The following HTR1F variants were observed in gnomAD, a reference collection of about 807,000 sequenced individuals.
HTR1F encodes 5-hydroxytryptamine (serotonin) receptor 1F, G protein-coupled.
A neutral mutation model predicts 24.0 loss-of-function variants in HTR1F; 17 were observed. That is an observed-to-expected ratio of 0.71 (90% CI 0.48 to 1.06). The LOEUF (loss-of-function observed/expected upper bound fraction) is 1.06. Ranked by LOEUF, HTR1F falls within the 50% of genes least tolerant of loss-of-function variation. The probability of loss-of-function intolerance (pLI) is 0.00; values close to 1 mark genes in which losing one functional copy is unlikely to be tolerated. For synonymous variants in HTR1F, 186 were observed against 156.8 expected, an observed-to-expected ratio of 1.19 and a Z score of -1.39; for missense variants, 391 against 427.8, an observed-to-expected ratio of 0.91 and a Z score of 0.76.
chr3:87,818,771 T>G (rs1306590275), intron 1 of HTR1F, among the ~76,000 whole-genome samples: 1 of 152,190 alleles, frequency 6.6e-6, no homozygotes, highest in Non-Finnish European at 1.5e-5. Context: ...AGGCACTCAC[T>G]CAGGGTTGGG....
chr3:87,922,041 C>T (rs1021875726), intron 2 of HTR1F, among the ~76,000 whole-genome samples: 8 of 151,838 alleles, frequency 5.3e-5, no homozygotes, highest in African/African-American at 1.9e-4. Context: ...GGATGCATAC[C>T]CAGTAGTGGG....
At chr3:87,905,735 CAAAA>C (rs36028043) in intron 2 of HTR1F, among the ~76,000 whole-genome samples, 1 of 141,666 alleles carries the variant, frequency 7.1e-6, no homozygotes. Flanking sequence ...CTTTATTTAG[CAAAA>C]AAAAAAAAAA....
chr3:87,969,540 G>A (rs1176493267), intron 2 of HTR1F, among the ~76,000 whole-genome samples: 2 of 152,174 alleles, frequency 1.3e-5, no homozygotes, highest in East Asian at 1.9e-4. Context: ...CTCCCATTTT[G>A]AATGGGTGTA....
At chr3:87,929,775 C>T (rs1425199576) in intron 2 of HTR1F, among the ~76,000 whole-genome samples, 1 of 152,096 alleles carries the variant, frequency 6.6e-6, no homozygotes, top group African/African-American at 2.4e-5. Context: ...ATTATCTTGG[C>T]TATTTGGGCT....
chr3:87,919,270 C>G (rs1361368039), intron 2 of HTR1F, among the ~76,000 whole-genome samples: 1 of 152,012 alleles, frequency 6.6e-6, no homozygotes, highest in Non-Finnish European at 1.5e-5. Flanking sequence ...TATAAAAATC[C>G]TAGAAGATAA....
At chr3:87,794,289 A>C (rs952762666) in intron 1 of HTR1F, among the ~76,000 whole-genome samples, 1 of 152,116 alleles carries the variant, frequency 6.6e-6, no homozygotes, top group African/African-American at 2.4e-5. Flanking sequence ...AAACAGGTCC[A>C]AGCATCACCA....
At chr3:87,927,912 A>T (rs1035679254) in intron 2 of HTR1F, among the ~76,000 whole-genome samples, 12 of 152,148 alleles carry the variant, frequency 7.9e-5, no homozygotes, top group Non-Finnish European at 1.6e-4. Context: ...GCTTTTAAAA[A>T]TTTTTATATC....
At chr3:87,984,129 G>A (rs544410736) in intron 2 of HTR1F, among the ~76,000 whole-genome samples, 1 of 152,278 alleles carries the variant, frequency 6.6e-6, no homozygotes, top group Admixed American at 6.5e-5. Context: ...TCAGACTGCT[G>A]ATTTCACATG....
intron 2 of HTR1F, among the ~76,000 whole-genome samples, chr3:87,834,969 T>C (rs933947962): frequency 1.3e-5 from 2 of 152,180 alleles, no homozygotes; most frequent in Non-Finnish European, 2.9e-5. Context: ...TTACAGAAAG[T>C]CTATGGATGC....
At chr3:87,936,358 A>G (rs1704414937) in intron 2 of HTR1F, among the ~76,000 whole-genome samples, 1 of 152,326 alleles carries the variant, frequency 6.6e-6, no homozygotes, top group Non-Finnish European at 1.5e-5. Flanking sequence ...ATAGAATACA[A>G]TTGTGTTCAA....
At chr3:87,795,457 G>C (rs534585943) in intron 1 of HTR1F, among the ~76,000 whole-genome samples, 46 of 152,278 alleles carry the variant, frequency 3.0e-4, no homozygotes, top group African/African-American at 9.1e-4. Context: ...TGGACATAGC[G>C]ATATTTGCAA....
chr3:87,973,197 T>C (rs1479821442), intron 2 of HTR1F, among the ~76,000 whole-genome samples: 6 of 151,942 alleles, frequency 3.9e-5, no homozygotes, highest in Non-Finnish European at 8.8e-5. Context: ...TAATAATCCC[T>C]ATCATGGACT....
At chr3:87,910,063 C>A (rs1284203416) in intron 2 of HTR1F, among the ~76,000 whole-genome samples, 4 of 151,932 alleles carry the variant, frequency 2.6e-5, no homozygotes, top group Non-Finnish European at 5.9e-5. Flanking sequence ...ATTAAATATT[C>A]TTTTAACTGT....
chr3:87,975,443 T>G (rs1310523054), intron 2 of HTR1F, among the ~76,000 whole-genome samples: 2 of 152,194 alleles, frequency 1.3e-5, no homozygotes, highest in Non-Finnish European at 2.9e-5. Context: ...AAGTTTTCCT[T>G]TCTTATCATT....
chr3:87,925,634 T>A (rs1344915146), intron 2 of HTR1F, among the ~76,000 whole-genome samples: 1 of 152,150 alleles, frequency 6.6e-6, no homozygotes, highest in African/African-American at 2.4e-5. Context: ...GTAGTTTGCA[T>A]CTTGGAGAGT....
intron 2 of HTR1F, among the ~76,000 whole-genome samples, chr3:87,893,730 C>T (rs1319445456): frequency 1.3e-5 from 2 of 152,214 alleles, no homozygotes; most frequent in South Asian, 2.1e-4. Flanking sequence ...TCATAAGACT[C>T]TTCCTAAGTC....
At chr3:87,926,923 A>G (rs981082545) in intron 2 of HTR1F, among the ~76,000 whole-genome samples, 51 of 149,228 alleles carry the variant, frequency 3.4e-4, no homozygotes, top group African/African-American at 1.2e-3. Flanking sequence ...GAGAAATGTT[A>G]GTTAGTTAAA....
At chr3:87,915,164 T>C (rs1368828900) in intron 2 of HTR1F, among the ~76,000 whole-genome samples, 1 of 152,080 alleles carries the variant, frequency 6.6e-6, no homozygotes, top group African/African-American at 2.4e-5. Flanking sequence ...GAGTACTACA[T>C]CAAGGGAACA....
At chr3:87,869,167 A>T (rs1705490929) in intron 2 of HTR1F, among the ~76,000 whole-genome samples, 1 of 152,116 alleles carries the variant, frequency 6.6e-6, no homozygotes, top group South Asian at 2.1e-4. Context: ...CATATATAAT[A>T]GAAAAGCTTT....
Sources: allele counts gnomAD v4.1 joint callset (sites outside exome capture counted in the v4.1 genomes callset), GRCh38; gene constraint gnomAD v4.1.1; transcripts MANE v1.5; gene names NCBI Gene and HGNC (gene_info 2026-07-23, HGNC 2026-07-21).